USB1: variants seen among roughly 807,000 people sequenced by gnomAD.
The protein encoded by USB1 is U6 snRNA phosphodiesterase 1.
In USB1, 21 loss-of-function variants were observed where a neutral mutation model predicts 29.9. That is an observed-to-expected ratio of 0.70 (90% CI 0.50 to 1.01). The LOEUF (loss-of-function observed/expected upper bound fraction) is 1.01. Among genes scored for constraint, USB1 ranks in the 50% least tolerant of loss-of-function variants. The pLI, the probability that USB1 is intolerant of heterozygous loss-of-function variation, is 0.00. For missense variants in USB1, 330 were observed against 347.1 expected (o/e 0.95, Z 0.39); for synonymous variants, 143 against 134.9 (o/e 1.06, Z -0.42).
At position 58,020,252 on chromosome 16, in the gene USB1, G is replaced by A; in HGVS notation, c.*7G>A. ...CTCGATGCCTTTGAAGTGAGCACCA[G>A]AGGCCTTCCTCCTCCAGGGCCCTCT... On this transcript the variant is annotated 3_prime_UTR_variant, in exon 7 of 7. Transcript: ENST00000219281. 1 of 1,613,726 alleles carries A rather than the reference G, an allele frequency of 6.2e-7. No individual in the cohort carries two copies. Among genetic ancestry groups the A allele is most frequent in the Non-Finnish European group, 8.5e-7 (1 of 1,179,652 alleles).
chr16:58,002,692 G>A, intron 2 of USB1, 47 bp downstream of exon 2: 1 of 1,611,808 alleles, frequency 6.2e-7, no homozygotes, highest in African/African-American at 1.3e-5. Context: ...TAGACCCGTA[G>A]GTGCCTCATG....
chr16:58,002,699 CA>C (rs1963257288), intron 2 of USB1, 54 bp downstream of exon 2: 79 of 1,610,188 alleles, frequency 4.9e-5, no homozygotes, highest in Non-Finnish European at 1.4e-5. Flanking sequence ...GTAGGTGCCT[CA>C]TGAAGGGCAG....
chr16:58,000,098 T>C (rs1005134790), upstream of USB1, among the ~76,000 whole-genome samples: 4 of 151,846 alleles, frequency 2.6e-5, no homozygotes, highest in African/African-American at 9.7e-5. The surrounding 1 kb of genome is among the most constrained non-coding windows in gnomAD (Gnocchi z 4.5). Context: ...GCCGATCACC[T>C]CCCGCCGGCC....
At chr16:58,006,368 C>A (rs28786385) in intron 2 of USB1, among the ~76,000 whole-genome samples, 7,901 of 85,394 alleles carry the variant, frequency 0.093, 229 homozygotes, top group East Asian at 0.14. Flanking sequence ...AAAAAAAAAA[C>A]AAAAAAAAAA....
rs769067404 is a variant in USB1 at position 58,010,075 on chromosome 16, G to T, written c.412G>T (p.Val138Leu). 1.2e-6 allele frequency: 2 copies of T among 1,613,974 alleles called. No homozygotes were observed. Among genetic ancestry groups the T allele is most frequent in the South Asian group, 1.1e-5 (1 of 91,064 alleles). The change falls in exon 3 of 7, where the codon GTG (valine) becomes TTG (leucine). Residue 138 changes from valine (V) to leucine (L), a missense_variant. Physicochemically the swap from Val to Leu is conservative, Grantham distance 32. Transcript: ENST00000219281. ...GCGCCACCACTGGATCCTCCCCTTC[G>T]TGCAGGCTCTGAAAGCCCGTATGAC... The part of the protein sequence containing the change: ...VLRHHWILPF[V>L]QALKARMTSF...
intron 2 of USB1, among the ~76,000 whole-genome samples, chr16:58,002,997 T>C (rs181498953): frequency 7.2e-5 from 11 of 152,322 alleles, no homozygotes; most frequent in African/African-American, 2.2e-4. Flanking sequence ...AATCCCACCC[T>C]AGCTCTGATC....
chr16:58,011,097 C>G, intron 3 of USB1: 2 of 1,040,388 alleles, frequency 1.9e-6, no homozygotes, highest in South Asian at 2.7e-5. Context: ...TTTAGGAGCT[C>G]TGCGTCAGGA....
chr16:58,014,382 T>G, intron 4 of USB1, 56 bp downstream of exon 4: 1 of 1,477,152 alleles, frequency 6.8e-7, no homozygotes. Flanking sequence ...GTGCAAAAAT[T>G]GAGTGCTTTG....
chr16:58,019,115 C>A, intron 6 of USB1, 60 bp downstream of exon 6: 1 of 1,564,424 alleles, frequency 6.4e-7, no homozygotes, highest in East Asian at 2.3e-5. Flanking sequence ...AGGACAGATG[C>A]TGGAGAGGGG....
chr16:58,013,959 C>CT lies in USB1; in HGVS notation c.450-314_450-313insT. The CT allele has an allele frequency of 3.0e-6, 1 of 335,330 alleles. No homozygotes were observed. The allele number at this position is 335,330 out of a possible 1,614,324, so 20.8% of individuals were successfully genotyped here. A position where few individuals can be genotyped will look rare whatever the true frequency, so the allele number is the denominator to read the frequency against. On this transcript the variant is annotated intron_variant, in intron 3 of 6. Transcript: ENST00000219281. The surrounding 1 kb of genome is among the most constrained non-coding windows in gnomAD (Gnocchi z 4.3). The stretch of plus-strand genomic sequence containing the variant: ...AGTGGTCCATTATCACCTACTTGAT[C>CT]AATAAGGCTTTCTCAGTTCCCATCA...
At position 58,010,079 on chromosome 16, in the gene USB1, A is replaced by G; in HGVS notation, c.416A>G (p.Gln139Arg). ...CACCACTGGATCCTCCCCTTCGTGC[A>G]GGCTCTGAAAGCCCGTATGACCTCC... ...LRHHWILPFVQALKARMTSFH... is the reference protein window; with the variant it reads ...LRHHWILPFVRALKARMTSFH... Residue 139 changes from glutamine (Q) to arginine (R), a missense_variant, in exon 3 of 7, where the codon CAG becomes CGG. Coordinates refer to ENST00000219281, the MANE Select transcript of USB1 (RefSeq NM_024598.4). The G allele has an allele frequency of 6.2e-7, 1 of 1,614,074 alleles. No individual in the cohort carries two copies. The highest frequency in any genetic ancestry group is 8.5e-7 in the Non-Finnish European group (1 of 1,180,002).
At chr16:58,012,545 C>T in intron 3 of USB1, 2 of 1,377,110 alleles carry the variant, frequency 1.5e-6, no homozygotes, top group South Asian at 1.5e-5. Flanking sequence ...ACCGCATCTC[C>T]CGGCTAATGG....
chr16:58,018,272 G>A (rs891854509), intron 5 of USB1, among the ~76,000 whole-genome samples: 1 of 140,914 alleles, frequency 7.1e-6, no homozygotes, highest in Non-Finnish European at 1.5e-5. Context: ...TGTCGCCCAT[G>A]CTGGAGTGCA....
chr16:58,007,841 T>C (rs1032622579), intron 2 of USB1, among the ~76,000 whole-genome samples: 8 of 151,924 alleles, frequency 5.3e-5, no homozygotes, highest in South Asian at 4.2e-4. Flanking sequence ...AAATTAGCCA[T>C]GCTTGGTGGC....
intron 1 of USB1, 60 bp downstream of exon 1, chr16:58,001,641 C>A: frequency 1.3e-6 from 2 of 1,538,558 alleles, no homozygotes; most frequent in Non-Finnish European, 1.8e-6. Flanking sequence ...CCAGACGGGA[C>A]CCGAATGTCT....
intron 6 of USB1, 65 bp from the exon 7 acceptor site, chr16:58,020,076 T>G: frequency 1.3e-6 from 2 of 1,539,544 alleles, no homozygotes; most frequent in Non-Finnish European, 1.8e-6. Context: ...TGGTTTTGTT[T>G]GCAGTGCCCT....
intron 5 of USB1, 134 bp downstream of exon 5, chr16:58,017,573 T>C: frequency 2.5e-6 from 2 of 812,418 alleles, no homozygotes; most frequent in Non-Finnish European, 4.2e-6. Flanking sequence ...ATGCCAGCCT[T>C]CTGAGGATGC....
chr16:58,000,834 C>T (rs1027147162), upstream of USB1, among the ~76,000 whole-genome samples: 3 of 152,080 alleles, frequency 2.0e-5, no homozygotes, highest in Non-Finnish European at 4.4e-5. The surrounding 1 kb of genome is among the most constrained non-coding windows in gnomAD (Gnocchi z 4.5). Flanking sequence ...GTGCTCCGGG[C>T]GGTTTTCGAG....
intron 6 of USB1, among the ~76,000 whole-genome samples, chr16:58,019,420 C>T (rs940696709): frequency 1.2e-4 from 18 of 152,126 alleles, no homozygotes; most frequent in African/African-American, 4.3e-4. Flanking sequence ...AGCCACTTGC[C>T]CAGAGGTCAG....
Sources: gnomAD v4.1 joint callset for allele counts (sites outside exome capture counted in the v4.1 genomes callset) on GRCh38, gnomAD v4.1.1 for gene constraint, Gnocchi (gnomAD v3.1) non-coding constraint, MANE v1.5 for transcripts, NCBI Gene and HGNC (gene_info 2026-07-23, HGNC 2026-07-21) for gene names.